Variants in RTL9 observed in about 807,000 individuals in gnomAD.
RTL9 encodes retrotransposon Gag like 9.
RTL9 carries 19 observed loss-of-function variants against 44.7 expected under a neutral mutation model. The observed-to-expected ratio is 0.42, with a 90% confidence interval of 0.30 to 0.62. The LOEUF is 0.62. Among genes scored for constraint, RTL9 ranks in the 20% least tolerant of loss-of-function variants. The probability of loss-of-function intolerance (pLI) is 0.16; values close to 1 mark genes in which losing one functional copy is unlikely to be tolerated. For synonymous variants in RTL9, 407 were observed against 398.9 expected, an observed-to-expected ratio of 1.02 and a Z score of -0.24; for missense variants, 1,105 against 1,080.6, an observed-to-expected ratio of 1.02 and a Z score of -0.32.
chrX:110,439,174 C>G (rs893507601), intron 1 of RTL9, among the ~76,000 whole-genome samples: 3 of 112,005 alleles, frequency 2.7e-5, no homozygotes, highest in African/African-American at 9.7e-5. Flanking sequence ...CCTTTGTGAG[C>G]AGCCATTGGA....
chrX:110,451,234 T>C, exon 1 of RTL9: 1 of 1,211,533 alleles, frequency 8.3e-7, no homozygotes, highest in Non-Finnish European at 1.1e-6. Context: ...TTATCCCCAA[T>C]TCTAATGCAA....
intron 1 of RTL9, among the ~76,000 whole-genome samples, chrX:110,442,083 G>T (rs1365460603): frequency 1.8e-5 from 2 of 111,122 alleles, no homozygotes; most frequent in Non-Finnish European, 3.8e-5. Flanking sequence ...ATGCCTACAG[G>T]GACTGAGCAG....
At chrX:110,450,922 C>A (rs941154188) in exon 1 of RTL9, 3 of 1,210,322 alleles carry the variant, frequency 2.5e-6, no homozygotes, top group Admixed American at 2.2e-5. Flanking sequence ...GCACTTTCCC[C>A]ATTGCTAATG....
intron 1 of RTL9, among the ~76,000 whole-genome samples, chrX:110,394,284 C>G (rs978837482): frequency 8.9e-6 from 1 of 111,779 alleles, no homozygotes; most frequent in African/African-American, 3.3e-5. Context: ...GGGTCTCACT[C>G]CTCTCGCCCA....
intron 1 of RTL9, among the ~76,000 whole-genome samples, chrX:110,398,691 C>T (rs950624079): frequency 5.4e-5 from 6 of 111,775 alleles, no homozygotes; most frequent in African/African-American, 1.3e-4. Flanking sequence ...TATTTGTTTC[C>T]GACTCATTAT....
At chrX:110,415,678 T>A (rs768737017), upstream of RTL9, among the ~76,000 whole-genome samples, 4 of 111,037 alleles carry the variant, frequency 3.6e-5, no homozygotes, top group South Asian at 1.5e-3. Flanking sequence ...AAGATAACTT[T>A]CAAGAATTTT....
rs765764483 is a variant in RTL9 at position 110,451,941 on chromosome X, A to T, written c.1324A>T (p.Met442Leu). 4.1e-6 allele frequency: 5 copies of T among 1,211,949 alleles called. No individual in the cohort carries two copies. The Admixed American group carries it at 1.1e-4, about 26-fold the overall frequency. ...CTCTGGAGCCATGACCACCTCACTG[A>T]TGACAGTCCCAAGCTCTGGAGTGAT... The change falls in exon 1 of 2, where the codon ATG (methionine) becomes TTG (leucine). Residue 442 changes from methionine to leucine, a missense_variant. By Grantham distance (15) the Met-to-Leu change is conservative (BLOSUM62 2). Transcript: ENST00000540313.
intron 1 of RTL9, among the ~76,000 whole-genome samples, chrX:110,428,483 G>A (rs1356325659): frequency 9.0e-6 from 1 of 111,546 alleles, no homozygotes; most frequent in African/African-American, 3.3e-5. Flanking sequence ...AATCAATGAT[G>A]ACCTTTTCCT....
At chrX:110,449,558 G>T (rs1363880270), upstream of RTL9, among the ~76,000 whole-genome samples, 1 of 112,667 alleles carries the variant, frequency 8.9e-6, no homozygotes, top group Non-Finnish European at 1.9e-5. Flanking sequence ...TATTGGAGCA[G>T]GCTGGAGGGG....
chrX:110,455,337 T>C (rs2068974437), exon 2 of RTL9: 1 of 1,206,251 alleles, frequency 8.3e-7, no homozygotes, highest in Non-Finnish European at 1.1e-6. Context: ...CATGGAATCT[T>C]CTCCTGTGAT....
intron 1 of RTL9, among the ~76,000 whole-genome samples, chrX:110,383,841 C>T (rs1263598199): frequency 9.0e-6 from 1 of 111,718 alleles, no homozygotes; most frequent in Non-Finnish European, 1.9e-5. Context: ...AACAATATAA[C>T]AACTAAAGGG....
At position 110,406,022 on chromosome X, in the gene RTL9, G is replaced by T. The variant is rs566769723; in HGVS notation, c.-167-39131G>T. ...AACCCTAGCTGAAGGGCTTTCTATT[G>T]CTTTGTTTAGAGATTTGTTCTTTTC... is the stretch of plus-strand genomic sequence containing the variant. On this transcript the variant is annotated intron_variant, in intron 1 of 2. Transcript: ENST00000520821. Among the ~76,000 whole-genome samples, 23 of 111,453 alleles carry T rather than the reference G, an allele frequency of 2.1e-4. No individual in the cohort carries two copies. The South Asian group carries it at 8.4e-3, about 41-fold the overall frequency.
chrX:110,363,555 G>A (rs1175209869), intron 1 of RTL9, among the ~76,000 whole-genome samples: 2 of 111,797 alleles, frequency 1.8e-5, no homozygotes, highest in African/African-American at 3.3e-5. Flanking sequence ...TAACTAAGAC[G>A]GGGTTCATGA....
At chrX:110,422,845 C>T (rs773142771) in intron 1 of RTL9, among the ~76,000 whole-genome samples, 46 of 112,166 alleles carry the variant, frequency 4.1e-4, no homozygotes, top group African/African-American at 1.4e-3. Context: ...GTTGCCTTGG[C>T]GAACAGCCAA....
At chrX:110,370,699 A>G (rs1231427872) in intron 1 of RTL9, among the ~76,000 whole-genome samples, 1 of 112,508 alleles carries the variant, frequency 8.9e-6, no homozygotes, top group Non-Finnish European at 1.9e-5. Flanking sequence ...GCAAGCTGGT[A>G]ATTTAAAAAA....
At chrX:110,412,910 CA>C (rs930645527) in intron 1 of RTL9, among the ~76,000 whole-genome samples, 2 of 111,621 alleles carry the variant, frequency 1.8e-5, no homozygotes, top group Non-Finnish European at 3.8e-5. Context: ...TTCCCTTGAG[CA>C]ATAATTAGAG....
At chrX:110,369,061 G>A (rs762076240) in intron 1 of RTL9, among the ~76,000 whole-genome samples, 9 of 111,946 alleles carry the variant, frequency 8.0e-5, no homozygotes, top group Non-Finnish European at 1.3e-4. Flanking sequence ...GGCTGTGTGC[G>A]GTGGCTCACG....
chrX:110,361,547 C>T (rs1395650136), intron 1 of RTL9, among the ~76,000 whole-genome samples: 2 of 111,454 alleles, frequency 1.8e-5, no homozygotes, highest in African/African-American at 6.5e-5. Flanking sequence ...AACAACAAAA[C>T]CCCTTATAAT....
intron 1 of RTL9, among the ~76,000 whole-genome samples, chrX:110,370,505 G>A (rs1254998788): frequency 1.8e-5 from 2 of 112,345 alleles, no homozygotes; most frequent in Non-Finnish European, 3.8e-5. Context: ...CACTGCGCCC[G>A]GCCTATTCTC....
Sources: gnomAD v4.1 joint callset for allele counts (sites outside exome capture counted in the v4.1 genomes callset) on GRCh38, gnomAD v4.1.1 for gene constraint, MANE v1.5 for transcripts, NCBI Gene and HGNC (gene_info 2026-07-23, HGNC 2026-07-21) for gene names.